The following MACROD2 variants were observed in gnomAD, a reference collection of about 807,000 sequenced individuals.
The protein encoded by MACROD2 is mono-ADP ribosylhydrolase 2.
In MACROD2, 36 loss-of-function variants were observed where a neutral mutation model predicts 70.4. The ratio of observed to expected loss-of-function variants is 0.51; its 90% CI spans 0.39 to 0.68. The LOEUF (loss-of-function observed/expected upper bound fraction) is 0.68, where lower values mean the gene tolerates loss of function less well. Ranked by LOEUF, MACROD2 falls within the 30% of genes least tolerant of loss-of-function variation. The probability of loss-of-function intolerance (pLI) is 0.00; values close to 1 mark genes in which losing one functional copy is unlikely to be tolerated. For synonymous variants in MACROD2, 172 were observed against 178.8 expected, an observed-to-expected ratio of 0.96 and a Z score of 0.30; for missense variants, 496 against 538.4, an observed-to-expected ratio of 0.92 and a Z score of 0.78.
At chr20:14,769,051 A>G (rs2072130485) in intron 5 of MACROD2, among the ~76,000 whole-genome samples, 1 of 152,078 alleles carries the variant, frequency 6.6e-6, no homozygotes, top group African/African-American at 2.4e-5. Flanking sequence ...CATTTAAAAA[A>G]TGACCTCCTT....
intron 5 of MACROD2, among the ~76,000 whole-genome samples, chr20:15,127,935 G>A (rs1371131864): frequency 1.3e-5 from 2 of 152,060 alleles, no homozygotes; most frequent in Non-Finnish European, 2.9e-5. Context: ...AAATTTAGAT[G>A]TTTATTATTA....
At chr20:15,982,696 T>A (rs144991900) in intron 13 of MACROD2, among the ~76,000 whole-genome samples, 1 of 152,200 alleles carries the variant, frequency 6.6e-6, no homozygotes, top group Non-Finnish European at 1.5e-5. Flanking sequence ...GGTTAGGGTG[T>A]TGCAAACTTC....
At chr20:15,175,270 G>A (rs1052857329) in intron 5 of MACROD2, among the ~76,000 whole-genome samples, 3 of 123,548 alleles carry the variant, frequency 2.4e-5, no homozygotes, top group African/African-American at 6.3e-5. Context: ...ACACTCTGGG[G>A]ACTGTTGTGG....
chr20:15,600,115 T>A (rs2048799190), intron 8 of MACROD2, among the ~76,000 whole-genome samples: 1 of 152,144 alleles, frequency 6.6e-6, no homozygotes, highest in African/African-American at 2.4e-5. Context: ...GCCACTATTC[T>A]TGGGGAGCTG....
intron 15 of MACROD2, among the ~76,000 whole-genome samples, chr20:16,009,300 T>C (rs1157465143): frequency 1.3e-5 from 2 of 152,188 alleles, no homozygotes; most frequent in Non-Finnish European, 2.9e-5. Flanking sequence ...TATAGAAGCC[T>C]GACAAAACAG....
chr20:15,816,399 T>G (rs2063875611), intron 8 of MACROD2, among the ~76,000 whole-genome samples: 1 of 152,164 alleles, frequency 6.6e-6, no homozygotes, highest in Non-Finnish European at 1.5e-5. Context: ...CAGCCTGAAT[T>G]CTACTGGCAA....
chr20:14,085,084 AC>A (rs1164726264), intron 2 of MACROD2, among the ~76,000 whole-genome samples: 2 of 150,252 alleles, frequency 1.3e-5, no homozygotes, highest in African/African-American at 4.9e-5. Flanking sequence ...AATCTATTGA[AC>A]CCGGAAGACA....
intron 17 of MACROD2, among the ~76,000 whole-genome samples, chr20:16,045,911 G>C (rs1344087513): frequency 1.3e-5 from 2 of 151,814 alleles, no homozygotes; most frequent in African/African-American, 2.4e-5. Context: ...ATACCCTGAG[G>C]GCTGATGAGA....
At chr20:14,206,481 C>T (rs1184331874) in intron 3 of MACROD2, among the ~76,000 whole-genome samples, 1 of 152,202 alleles carries the variant, frequency 6.6e-6, no homozygotes, top group Non-Finnish European at 1.5e-5. Flanking sequence ...ACGTGCTTCT[C>T]TAAGTGCTCA....
At chr20:14,815,227 G>C (rs187095790) in intron 5 of MACROD2, among the ~76,000 whole-genome samples, 1 of 152,008 alleles carries the variant, frequency 6.6e-6, no homozygotes, top group South Asian at 2.1e-4. Flanking sequence ...CTGGAGATAA[G>C]TTGTGTCTAG....
chr20:14,788,922 C>G (rs118180045), intron 5 of MACROD2, among the ~76,000 whole-genome samples: 1 of 151,650 alleles, frequency 6.6e-6, no homozygotes, highest in Non-Finnish European at 1.5e-5. Flanking sequence ...GCACTCACCA[C>G]GATGCCCGGC....
chr20:15,888,426 A>G (rs1186238108), intron 10 of MACROD2, among the ~76,000 whole-genome samples: 2 of 152,122 alleles, frequency 1.3e-5, no homozygotes, highest in Non-Finnish European at 2.9e-5. Context: ...TGCCCTTTCA[A>G]GCACCCGGTA....
At chr20:14,638,423 G>A (rs937954370) in intron 4 of MACROD2, among the ~76,000 whole-genome samples, 1 of 151,860 alleles carries the variant, frequency 6.6e-6, no homozygotes, top group Non-Finnish European at 1.5e-5. Context: ...GTTCTTGTTG[G>A]TAACCCCAAT....
chr20:14,469,512 A>C (rs913802674), intron 3 of MACROD2, among the ~76,000 whole-genome samples: 4 of 151,982 alleles, frequency 2.6e-5, no homozygotes, highest in Non-Finnish European at 5.9e-5. Flanking sequence ...TAATATCCTG[A>C]GGAGTGTTTT....
At chr20:15,037,004 A>G (rs1263130381) in intron 5 of MACROD2, among the ~76,000 whole-genome samples, 2 of 152,050 alleles carry the variant, frequency 1.3e-5, no homozygotes, top group Non-Finnish European at 2.9e-5. Flanking sequence ...TATGTTTTTA[A>G]TAAGTTTTTT....
intron 8 of MACROD2, among the ~76,000 whole-genome samples, chr20:15,543,341 T>C (rs1220426240): frequency 6.6e-6 from 1 of 152,190 alleles, no homozygotes; most frequent in East Asian, 1.9e-4. Context: ...ATATTAAGGA[T>C]ACAGTTGTAT....
intron 3 of MACROD2, among the ~76,000 whole-genome samples, chr20:14,390,620 C>T (rs2083516585): frequency 1.3e-5 from 2 of 152,134 alleles, no homozygotes; most frequent in African/African-American, 2.4e-5. Context: ...CTTCTACAAC[C>T]TGACAGAAAT....
intron 5 of MACROD2, among the ~76,000 whole-genome samples, chr20:15,094,018 T>G (rs2123172294): frequency 6.6e-6 from 1 of 152,336 alleles, no homozygotes; most frequent in African/African-American, 2.4e-5. Context: ...CAAACATGGT[T>G]GTCTGGTCCA....
At chr20:14,220,513 C>G (rs1569212450) in intron 3 of MACROD2, among the ~76,000 whole-genome samples, 3 of 152,190 alleles carry the variant, frequency 2.0e-5, no homozygotes. Context: ...AGTCTGCACA[C>G]TGAATTTGCA....
Sources: gnomAD v4.1 joint callset for allele counts (sites outside exome capture counted in the v4.1 genomes callset) on GRCh38, gnomAD v4.1.1 for gene constraint, MANE v1.5 for transcripts, NCBI Gene and HGNC (gene_info 2026-07-23, HGNC 2026-07-21) for gene names.